ANKS1B: variants seen among roughly 807,000 people sequenced by gnomAD.
ANKS1B encodes ankyrin repeat and sterile alpha motif domain-containing protein 1B.
In ANKS1B, 36 loss-of-function variants were observed where a neutral mutation model predicts 148.3. The ratio of observed to expected loss-of-function variants is 0.24; its 90% confidence interval spans 0.19 to 0.32. The LOEUF is 0.32. ANKS1B is among the 10% of genes least tolerant of loss of function. The probability of loss-of-function intolerance (pLI) is 1.00; values close to 1 mark genes in which losing one functional copy is unlikely to be tolerated. For synonymous variants in ANKS1B, 542 were observed against 560.8 expected, an observed-to-expected ratio of 0.97 and a Z score of 0.47; for missense variants, 1,157 against 1,542.6, an observed-to-expected ratio of 0.75 and a Z score of 4.19.
At chr12:99,378,670 A>AAAG (rs2093502246) in intron 12 of ANKS1B, among the ~76,000 whole-genome samples, 1 of 146,170 alleles carries the variant, frequency 6.8e-6, no homozygotes, top group African/African-American at 2.5e-5. Context: ...AAAAAAAAAA[A>AAAG]AAAGAAAAAG....
intron 17 of ANKS1B, among the ~76,000 whole-genome samples, chr12:98,975,461 G>A (rs549697260): frequency 6.6e-6 from 1 of 151,406 alleles, no homozygotes; most frequent in Non-Finnish European, 1.5e-5. Context: ...TGCAGTCACC[G>A]AATGTTTTTT....
chr12:99,981,455 C>A (rs1353179559), intron 1 of ANKS1B, among the ~76,000 whole-genome samples: 4 of 151,942 alleles, frequency 2.6e-5, no homozygotes, highest in African/African-American at 9.7e-5. Context: ...CCTCAAAGGG[C>A]AGTTGTGAGA....
chr12:99,766,534 G>C (rs1427880898), intron 8 of ANKS1B, among the ~76,000 whole-genome samples: 2 of 151,986 alleles, frequency 1.3e-5, no homozygotes, highest in African/African-American at 2.4e-5. Context: ...GTGGTTAATG[G>C]TATTGTTTTC....
chr12:99,181,719 G>C (rs902858876), intron 14 of ANKS1B, among the ~76,000 whole-genome samples: 1 of 151,812 alleles, frequency 6.6e-6, no homozygotes, highest in African/African-American at 2.4e-5. Context: ...TTTTCATACA[G>C]GCATACAATG....
intron 17 of ANKS1B, among the ~76,000 whole-genome samples, chr12:99,050,684 CTTTTTCTTTTTTTT>C (rs1383818851): frequency 3.5e-5 from 4 of 113,016 alleles, no homozygotes; most frequent in Non-Finnish European, 7.4e-5. Context: ...TTCTTTTTTT[CTTTTTCTTTTTTTT>C]TTTTTTTTTT....
intron 1 of ANKS1B, among the ~76,000 whole-genome samples, chr12:99,910,180 C>T (rs955170915): frequency 1.3e-5 from 2 of 151,796 alleles, no homozygotes; most frequent in African/African-American, 4.8e-5. Flanking sequence ...CATGGGGAAA[C>T]CCCTTCTCTA....
chr12:99,884,055 G>T (rs868738968), intron 1 of ANKS1B, among the ~76,000 whole-genome samples: 2 of 151,758 alleles, frequency 1.3e-5, no homozygotes, highest in African/African-American at 4.8e-5. Flanking sequence ...AAGATACATA[G>T]ATACTAGGTT....
chr12:99,547,236 T>G (rs2097179462), intron 9 of ANKS1B, among the ~76,000 whole-genome samples: 4 of 152,120 alleles, frequency 2.6e-5, no homozygotes, highest in Admixed American at 2.0e-4. Flanking sequence ...CTTTGTACAA[T>G]AATGCCTACA....
At chr12:99,578,733 T>A (rs985201928) in intron 9 of ANKS1B, among the ~76,000 whole-genome samples, 3 of 152,126 alleles carry the variant, frequency 2.0e-5, no homozygotes, top group Admixed American at 2.0e-4. Flanking sequence ...TCCATGCTCA[T>A]GGATAGGAAG....
At chr12:99,377,259 G>A (rs958511013) in intron 12 of ANKS1B, among the ~76,000 whole-genome samples, 3 of 152,088 alleles carry the variant, frequency 2.0e-5, no homozygotes, top group Admixed American at 2.0e-4. Context: ...GCCCGCCTCA[G>A]CCTCCCAAAG....
At chr12:99,483,972 A>G (rs1018626646) in intron 10 of ANKS1B, among the ~76,000 whole-genome samples, 2 of 151,356 alleles carry the variant, frequency 1.3e-5, no homozygotes, top group East Asian at 1.9e-4. Flanking sequence ...TTAATCTCTT[A>G]TATTTATTTG....
chr12:98,873,623 C>T (rs1203423201), intron 17 of ANKS1B, among the ~76,000 whole-genome samples: 1 of 152,122 alleles, frequency 6.6e-6, no homozygotes, highest in Non-Finnish European at 1.5e-5. Flanking sequence ...ATGTGGTGGA[C>T]AAATCCTCAC....
chr12:98,878,695 T>C (rs2099698429), intron 17 of ANKS1B, among the ~76,000 whole-genome samples: 1 of 152,190 alleles, frequency 6.6e-6, no homozygotes, highest in Non-Finnish European at 1.5e-5. Context: ...AAGTATTTAA[T>C]GCGATCACTT....
chr12:99,876,669 G>T (rs1334806473), intron 1 of ANKS1B, among the ~76,000 whole-genome samples: 3 of 151,390 alleles, frequency 2.0e-5, no homozygotes, highest in Non-Finnish European at 4.4e-5. Flanking sequence ...GGCAGAGGTT[G>T]CAGTAAGCCA....
At chr12:99,903,998 C>G (rs1390962516) in intron 1 of ANKS1B, among the ~76,000 whole-genome samples, 1 of 152,208 alleles carries the variant, frequency 6.6e-6, no homozygotes, top group Non-Finnish European at 1.5e-5. Context: ...CGATATATGA[C>G]TAGTGGCTAC....
chr12:99,770,335 T>A (rs2063073809), intron 8 of ANKS1B, among the ~76,000 whole-genome samples: 1 of 152,176 alleles, frequency 6.6e-6, no homozygotes, highest in Non-Finnish European at 1.5e-5. Context: ...ACACTTGAAA[T>A]CAAGAACCAT....
chr12:99,855,851 T>C (rs897636454), intron 1 of ANKS1B, among the ~76,000 whole-genome samples: 2 of 152,076 alleles, frequency 1.3e-5, no homozygotes, highest in African/African-American at 4.8e-5. Flanking sequence ...AATTTAACAG[T>C]TCTTTGAACT....
At chr12:99,847,570 A>C (rs2086891730) in intron 1 of ANKS1B, among the ~76,000 whole-genome samples, 1 of 152,094 alleles carries the variant, frequency 6.6e-6, no homozygotes, top group African/African-American at 2.4e-5. Flanking sequence ...GGGTTTCCCC[A>C]CTCAGTCTAT....
rs146904932 is a variant in ANKS1B, at chr12:98,823,092, T to C, written c.3066+6082A>G. Among the ~76,000 whole-genome samples, 867 of 152,346 alleles carry C rather than the reference T, an allele frequency of 5.7e-3. 10 individuals are homozygous for C. Among genetic ancestry groups the C allele is most frequent in the African/African-American group, 0.02 (823 of 41,568 alleles). On this transcript the variant is annotated intron_variant, in intron 19 of 26. Coordinates refer to ENST00000683438, the MANE Select transcript of ANKS1B (RefSeq NM_001352186.2). The stretch of plus-strand genomic sequence containing the variant: ...TTAAATTCCAAGTATGGAAGCGCTA[T>C]TTTCCACTTTTGTGTTGGTCATAGC...
Sources: gnomAD v4.1 joint callset for allele counts (sites outside exome capture counted in the v4.1 genomes callset) on GRCh38, gnomAD v4.1.1 for gene constraint, MANE v1.5 for transcripts, NCBI Gene and HGNC (gene_info 2026-07-23, HGNC 2026-07-21) for gene names.